MALRD1: variants seen among roughly 807,000 people sequenced by gnomAD.
MALRD1 encodes MAM and LDL receptor class A domain containing 1, also known as MAM and LDL-receptor class A domain-containing protein 1.
MALRD1 carries 247 observed loss-of-function variants against 242.1 expected under a neutral mutation model. The observed-to-expected ratio is 1.02, with a 90% CI of 0.92 to 1.13. The LOEUF (loss-of-function observed/expected upper bound fraction) is 1.13. Among genes scored for constraint, MALRD1 ranks in the 50% most tolerant of loss-of-function variants. The pLI, the probability that MALRD1 is intolerant of heterozygous loss-of-function variation, is 0.00. For missense variants in MALRD1, 2,989 were observed against 2,533.1 expected (o/e 1.18, Z -3.86); for synonymous variants, 995 against 866.6 (o/e 1.15, Z -2.60).
intron 8 of MALRD1, among the ~76,000 whole-genome samples, chr10:19,132,267 A>G (rs758825643): frequency 2.6e-5 from 4 of 152,202 alleles, no homozygotes; most frequent in Non-Finnish European, 4.4e-5. Flanking sequence ...GTGATGCTAA[A>G]TAACTGAAGT....
At chr10:19,107,734 T>C (rs929148431) in intron 5 of MALRD1, among the ~76,000 whole-genome samples, 3 of 152,046 alleles carry the variant, frequency 2.0e-5, no homozygotes, top group African/African-American at 7.2e-5. Flanking sequence ...TTTATCTTTG[T>C]GGTTTGGTGG....
At chr10:19,187,785 GAGACAAT>G (rs1432834673) in intron 14 of MALRD1, among the ~76,000 whole-genome samples, 8 of 152,132 alleles carry the variant, frequency 5.3e-5, no homozygotes, top group Non-Finnish European at 4.4e-5. Flanking sequence ...CATAAATATG[GAGACAAT>G]AGACAATGGA....
chr10:19,336,430 ACACAGTTT>A (rs1215120849), intron 24 of MALRD1, among the ~76,000 whole-genome samples: 10 of 152,200 alleles, frequency 6.6e-5, no homozygotes, highest in African/African-American at 2.4e-4. Flanking sequence ...GGCATATGTA[ACACAGTTT>A]CACAGCTTCA....
At chr10:19,589,148 A>T (rs1274030408) in intron 33 of MALRD1, among the ~76,000 whole-genome samples, 2 of 152,252 alleles carry the variant, frequency 1.3e-5, no homozygotes, top group East Asian at 3.8e-4. Context: ...GTACAGACTG[A>T]AACATAGGTT....
At chr10:19,690,559 A>G (rs535199158) in intron 36 of MALRD1, among the ~76,000 whole-genome samples, 8 of 152,054 alleles carry the variant, frequency 5.3e-5, no homozygotes, top group Admixed American at 3.3e-4. Context: ...TTTATAGGCA[A>G]ACTTCTGTCA....
chr10:19,344,940 CATTGTCTTCCTGATG>C (rs1844043675), intron 24 of MALRD1, among the ~76,000 whole-genome samples: 2 of 152,018 alleles, frequency 1.3e-5, no homozygotes, highest in African/African-American at 2.4e-5. Context: ...CAAAGGTGAT[CATTGTCTTCCTGATG>C]GCACAGGTGT....
upstream of MALRD1, among the ~76,000 whole-genome samples, chr10:19,048,352 T>G (rs1378119690): frequency 1.3e-5 from 2 of 152,184 alleles, no homozygotes; most frequent in Non-Finnish European, 2.9e-5. Flanking sequence ...CTAGCACCCA[T>G]GGGCTATAGA....
At chr10:19,051,247 GA>G (rs1834484381) in intron 1 of MALRD1, among the ~76,000 whole-genome samples, 2 of 151,636 alleles carry the variant, frequency 1.3e-5, no homozygotes, top group South Asian at 4.2e-4. Flanking sequence ...TTATAGATTA[GA>G]TTTTTTTAAA....
intron 38 of MALRD1, among the ~76,000 whole-genome samples, chr10:19,716,348 C>G (rs1000409838): frequency 1.3e-5 from 2 of 152,124 alleles, no homozygotes; most frequent in Non-Finnish European, 2.9e-5. Flanking sequence ...CCCCCCAGTG[C>G]TGTTCTACTG....
intron 4 of MALRD1, among the ~76,000 whole-genome samples, chr10:19,102,628 C>T (rs1455837794): frequency 6.6e-6 from 1 of 152,028 alleles, no homozygotes; most frequent in Admixed American, 6.6e-5. Flanking sequence ...TTGAATAATG[C>T]ACATGTGTTC....
chr10:19,661,997 T>C (rs983565781), intron 36 of MALRD1, among the ~76,000 whole-genome samples: 2 of 152,160 alleles, frequency 1.3e-5, no homozygotes, highest in African/African-American at 4.8e-5. Flanking sequence ...TTTTCCAATA[T>C]ATAAATGGAT....
At chr10:19,206,486 A>C (rs1236453992) in intron 17 of MALRD1, among the ~76,000 whole-genome samples, 1 of 152,228 alleles carries the variant, frequency 6.6e-6, no homozygotes, top group African/African-American at 2.4e-5. Context: ...AATCCCACTC[A>C]TTAAAAAATG....
At chr10:19,112,483 T>G (rs1292821067) in intron 5 of MALRD1, among the ~76,000 whole-genome samples, 2 of 152,078 alleles carry the variant, frequency 1.3e-5, no homozygotes, top group Non-Finnish European at 2.9e-5. Flanking sequence ...AGGAGATAAT[T>G]ATGGAAAAGG....
chr10:19,612,232 C>T (rs1023070085), intron 35 of MALRD1, among the ~76,000 whole-genome samples: 2 of 151,862 alleles, frequency 1.3e-5, no homozygotes, highest in African/African-American at 4.8e-5. Flanking sequence ...ATTCTTCAGT[C>T]AAACCAGCAA....
chr10:19,486,258 A>T (rs1033205026), intron 29 of MALRD1, among the ~76,000 whole-genome samples: 2 of 152,218 alleles, frequency 1.3e-5, no homozygotes, highest in African/African-American at 4.8e-5. Flanking sequence ...TTCACAGACC[A>T]ACATACCTTT....
chr10:19,337,990 A>G (rs1843683602), intron 24 of MALRD1, among the ~76,000 whole-genome samples: 1 of 151,464 alleles, frequency 6.6e-6, no homozygotes, highest in Non-Finnish European at 1.5e-5. Flanking sequence ...TGAACCCAGG[A>G]GGCAGAGGTT....
intron 12 of MALRD1, among the ~76,000 whole-genome samples, chr10:19,163,130 C>T (rs1222063315): frequency 1.3e-5 from 1 of 78,442 alleles, no homozygotes; most frequent in Non-Finnish European, 2.2e-5. Context: ...TGGAGTGAAA[C>T]CCTGTCTAAA....
At chr10:19,646,559 C>A (rs189066893) in intron 36 of MALRD1, among the ~76,000 whole-genome samples, 148 of 151,830 alleles carry the variant, frequency 9.7e-4, no homozygotes, top group African/African-American at 3.4e-3. Context: ...GAGCTGAAAT[C>A]GCACCACTGC....
chr10:19,066,317 T>G (rs1225282110), intron 1 of MALRD1, among the ~76,000 whole-genome samples: 1 of 152,220 alleles, frequency 6.6e-6, no homozygotes, highest in Non-Finnish European at 1.5e-5. Flanking sequence ...ACTGCATTTT[T>G]GTATGTATTG....
Sources: gnomAD v4.1 joint callset for allele counts (sites outside exome capture counted in the v4.1 genomes callset) on GRCh38, gnomAD v4.1.1 for gene constraint, MANE v1.5 for transcripts, NCBI Gene and HGNC (gene_info 2026-07-23, HGNC 2026-07-21) for gene names.